Variants in NT5C2 observed in about 807,000 individuals in gnomAD.
NT5C2 encodes the protein 5'-nucleotidase, cytosolic II, also known as cytosolic purine 5'-nucleotidase.
In NT5C2, 58 loss-of-function variants were observed where a neutral mutation model predicts 76.1. The observed-to-expected ratio is 0.76, with a 90% CI of 0.62 to 0.95. The LOEUF (loss-of-function observed/expected upper bound fraction) is 0.95, where lower values mean the gene tolerates loss of function less well. Ranked by LOEUF, NT5C2 falls within the 40% of genes least tolerant of loss-of-function variation. NT5C2 has a pLI of 0.00. For missense variants in NT5C2, 478 were observed against 690.3 expected, an observed-to-expected ratio of 0.69 and a Z score of 3.45; for synonymous variants, 229 against 237.4, an observed-to-expected ratio of 0.96 and a Z score of 0.32.
chr10:103,130,921 AT>A (rs777518742), intron 4 of NT5C2, among the ~76,000 whole-genome samples: 1 of 152,190 alleles, frequency 6.6e-6, no homozygotes, highest in Non-Finnish European at 1.5e-5. Context: ...CCTTATGAAA[AT>A]ATCTCAATTT....
chr10:103,107,966 C>G (rs1158718775), intron 4 of NT5C2, among the ~76,000 whole-genome samples: 1 of 152,058 alleles, frequency 6.6e-6, no homozygotes, highest in Non-Finnish European at 1.5e-5. Context: ...ACCAGCCTGG[C>G]CAACACAGTG....
At chr10:103,130,385 C>T (rs2077906302) in intron 4 of NT5C2, among the ~76,000 whole-genome samples, 2 of 151,578 alleles carry the variant, frequency 1.3e-5, no homozygotes, top group South Asian at 4.2e-4. Flanking sequence ...TCACAAATCC[C>T]TAATCTCAAG....
intron 3 of NT5C2, among the ~76,000 whole-genome samples, chr10:103,165,556 G>A (rs530751493): frequency 1.2e-4 from 17 of 143,238 alleles, no homozygotes; most frequent in African/African-American, 3.6e-4. Context: ...GATTACAGGC[G>A]TGCACTACCA....
rs761883928 is a variant in NT5C2 at position 103,091,635 on chromosome 10, A to G, written c.1160-20T>C. ...AAAGTGCTAGTTAAGGTTTGGAAGG[A>G]AAAGGAAGACATTTTAAATAAATAA... On this transcript the variant is annotated intron_variant, in intron 15 of 18. Coordinates refer to ENST00000404739, the MANE Select transcript of NT5C2 (RefSeq NM_001351169.2). 55 of 1,605,580 alleles carry G rather than the reference A, an allele frequency of 3.4e-5. No individual in the cohort carries two copies. The highest frequency in any genetic ancestry group is 4.3e-5 in the Non-Finnish European group (50 of 1,172,682).
intron 4 of NT5C2, among the ~76,000 whole-genome samples, chr10:103,113,964 G>A (rs1251019223): frequency 6.6e-6 from 1 of 152,236 alleles, no homozygotes; most frequent in Non-Finnish European, 1.5e-5. Context: ...GTGAATTAAT[G>A]TGTGAAGTGG....
intron 4 of NT5C2, among the ~76,000 whole-genome samples, chr10:103,121,016 A>G (rs75221325): frequency 0.023 from 3,563 of 152,336 alleles, 73 homozygotes; most frequent in Non-Finnish European, 0.031. Flanking sequence ...GCTAAAAGAA[A>G]TAAGCCAGAC....
At chr10:103,129,482 T>C (rs1190434994) in intron 4 of NT5C2, among the ~76,000 whole-genome samples, 8 of 76,670 alleles carry the variant, frequency 1.0e-4, no homozygotes, top group African/African-American at 1.5e-4. Context: ...GATGGGGGGG[T>C]CAGCCCCCCC....
chr10:103,136,649 C>T (rs1272635300), intron 4 of NT5C2, among the ~76,000 whole-genome samples: 10 of 145,800 alleles, frequency 6.9e-5, no homozygotes, highest in African/African-American at 1.0e-4. Flanking sequence ...TTTTGAGACA[C>T]GGTCTCACTC....
intron 16 of NT5C2, 52 bp from the exon 17 acceptor site, chr10:103,091,048 ATTC>A (rs2066689692): frequency 6.7e-7 from 1 of 1,500,914 alleles, no homozygotes; most frequent in East Asian, 2.3e-5. Flanking sequence ...GCTTTTTTTT[ATTC>A]TTTAAGACAG....
intron 3 of NT5C2, among the ~76,000 whole-genome samples, chr10:103,151,134 G>A (rs914756746): frequency 6.6e-6 from 1 of 151,592 alleles, no homozygotes; most frequent in Non-Finnish European, 1.5e-5. Flanking sequence ...TTTCCTATAT[G>A]AATATTCAGT....
intron 4 of NT5C2, among the ~76,000 whole-genome samples, chr10:103,132,490 G>C (rs1412810210): frequency 6.6e-6 from 1 of 152,116 alleles, no homozygotes; most frequent in African/African-American, 2.4e-5. Flanking sequence ...TACCATAGGA[G>C]AGGGGAAAGG....
intron 1 of NT5C2, among the ~76,000 whole-genome samples, chr10:103,192,927 C>G (rs944262879): frequency 3.3e-5 from 5 of 152,090 alleles, no homozygotes; most frequent in Non-Finnish European, 5.9e-5. Flanking sequence ...GGGGTCCCAG[C>G]GAGCCGGCGG....
chr10:103,152,517 A>G (rs954136405), intron 3 of NT5C2, among the ~76,000 whole-genome samples: 5 of 152,202 alleles, frequency 3.3e-5, no homozygotes, highest in Non-Finnish European at 5.9e-5. Context: ...TTACAGAACA[A>G]AAGAACTAGA....
rs747868392 is a variant in NT5C2, at chr10:103,093,993, G to C, written c.967C>G (p.His323Asp). 3 of 1,613,648 alleles carry C rather than the reference G, an allele frequency of 1.9e-6. No homozygotes were observed. Among genetic ancestry groups the C allele is most frequent in the Non-Finnish European group, 2.5e-6 (3 of 1,179,556 alleles). Reference sequence around the variant, plus strand: ...TTACCTCCTGAGTAGACGATACCATGCTGTAGGGGCCCTGTGTAGGTACCA... The same window carrying C: ...TTACCTCCTGAGTAGACGATACCATCCTGTAGGGGCCCTGTGTAGGTACCA... ...KIGTYTGPLQHGIVYSGGSSD... is the reference protein window; with the variant it reads ...KIGTYTGPLQDGIVYSGGSSD... Residue 323 changes from histidine (H) to aspartate (D), a missense_variant, in exon 14 of 19, where the codon CAT becomes GAT. His to Asp is a moderately conservative substitution (Grantham distance 81). Coordinates refer to ENST00000404739, the MANE Select transcript of NT5C2 (RefSeq NM_001351169.2).
intron 16 of NT5C2, among the ~76,000 whole-genome samples, chr10:103,091,286 T>C (rs2066788507): frequency 1.3e-5 from 2 of 152,162 alleles, no homozygotes; most frequent in Non-Finnish European, 1.5e-5. Flanking sequence ...GCAACCCGCC[T>C]GCCTTGGCCT....
In NT5C2 at chr10:103,130,240, G is replaced by A. The variant is rs1360915828; in HGVS notation, c.175+9166C>T. Among the ~76,000 whole-genome samples the A allele has an allele frequency of 2.0e-5, 3 of 151,542 alleles. No individual in the cohort carries two copies. In the East Asian group the frequency reaches 5.9e-4, roughly 30 times the overall value. Reference sequence around the variant, plus strand: ...AATTCCTCTGCCTTGGGATCCTGTTGATCTGTGACCTTACCCCCAACCCTG... The same window carrying A: ...AATTCCTCTGCCTTGGGATCCTGTTAATCTGTGACCTTACCCCCAACCCTG... On this transcript the variant is annotated intron_variant, in intron 4 of 18. Transcript: ENST00000404739.
rs143442982 is a variant in NT5C2 at position 103,191,163 on chromosome 10, G to A, written c.-169+2073C>T. 6.6e-5 allele frequency among the ~76,000 whole-genome samples: 10 copies of A among 152,024 alleles called. No individual in the cohort carries two copies. In the South Asian group the frequency reaches 1.0e-3, roughly 16 times the overall value. On this transcript the variant is annotated intron_variant, in intron 1 of 18. Coordinates refer to ENST00000404739, the MANE Select transcript of NT5C2 (RefSeq NM_001351169.2). ...ATCCCAGTACTTGGGAGGCCGAGGC[G>A]GGCAGATCACCTGAGGTCAGGAGTT...
At chr10:103,189,626 A>C (rs923272755) in intron 1 of NT5C2, among the ~76,000 whole-genome samples, 1 of 151,854 alleles carries the variant, frequency 6.6e-6, no homozygotes, top group East Asian at 1.9e-4. Flanking sequence ...CGAAAAAAAA[A>C]ACAAAGATTA....
chr10:103,107,037 T>C (rs1029984650), intron 4 of NT5C2, among the ~76,000 whole-genome samples: 1 of 152,198 alleles, frequency 6.6e-6, no homozygotes, highest in Admixed American at 6.5e-5. Flanking sequence ...AAAATGAATA[T>C]GCATAGCTGT....
Sources: allele counts gnomAD v4.1 joint callset (sites outside exome capture counted in the v4.1 genomes callset), GRCh38; gene constraint gnomAD v4.1.1; transcripts MANE v1.5; gene names NCBI Gene and HGNC (gene_info 2026-07-23, HGNC 2026-07-21).